Variants in ATE1 observed in about 807,000 individuals in gnomAD.
ATE1 encodes arginyl-tRNA--protein transferase 1.
Under a neutral mutation model 70.5 loss-of-function variants are expected in ATE1, and 36 were observed. The ratio of observed to expected loss-of-function variants is 0.51; its 90% confidence interval spans 0.39 to 0.67. ATE1 has a LOEUF of 0.67. Ranked by LOEUF, ATE1 falls within the 30% of genes least tolerant of loss-of-function variation. The pLI, the probability that ATE1 is intolerant of heterozygous loss-of-function variation, is 0.00. For missense variants in ATE1, 593 were observed against 629.5 expected (o/e 0.94, Z 0.62); for synonymous variants, 232 against 219.3 (o/e 1.06, Z -0.51).
intron 11 of ATE1, among the ~76,000 whole-genome samples, chr10:121,774,321 A>T (rs545760466): frequency 1.3e-5 from 2 of 152,334 alleles, no homozygotes; most frequent in East Asian, 3.9e-4. Context: ...ACATTCAGTT[A>T]GTATATCATG....
At chr10:121,792,681 A>G (rs982261539) in intron 10 of ATE1, among the ~76,000 whole-genome samples, 5 of 152,214 alleles carry the variant, frequency 3.3e-5, no homozygotes, top group Non-Finnish European at 7.3e-5. Context: ...ATTAACTCAG[A>G]AACTGTTTTA....
At chr10:121,828,333 G>A (rs1564874115) in intron 10 of ATE1, among the ~76,000 whole-genome samples, 1 of 152,160 alleles carries the variant, frequency 6.6e-6, no homozygotes, top group African/African-American at 2.4e-5. Flanking sequence ...ACCCAAAAAC[G>A]TAGTGGCCTT....
chr10:121,762,512 C>G (rs1945085346), intron 11 of ATE1, among the ~76,000 whole-genome samples: 3 of 152,192 alleles, frequency 2.0e-5, no homozygotes, highest in African/African-American at 7.2e-5. Flanking sequence ...TGTGTGGCAT[C>G]TGCCCACCCC....
intron 9 of ATE1, among the ~76,000 whole-genome samples, chr10:121,839,888 A>C (rs1948565831): frequency 6.6e-6 from 1 of 152,244 alleles, no homozygotes; most frequent in East Asian, 1.9e-4. Flanking sequence ...TTCATAAAAA[A>C]GCACATACAC....
chr10:121,779,157 A>G (rs1286547085), intron 11 of ATE1, among the ~76,000 whole-genome samples: 2 of 152,134 alleles, frequency 1.3e-5, no homozygotes, highest in Admixed American at 6.5e-5. Context: ...TGGTACATTT[A>G]TCCTCTCTTC....
chr10:121,822,670 G>A (rs945472924), intron 10 of ATE1, among the ~76,000 whole-genome samples: 5 of 152,050 alleles, frequency 3.3e-5, no homozygotes, highest in South Asian at 2.1e-4. Context: ...CACATCTTCC[G>A]TGCACAGTAC....
intron 5 of ATE1, among the ~76,000 whole-genome samples, chr10:121,909,789 G>A (rs578044601): frequency 2.6e-5 from 4 of 152,312 alleles, no homozygotes; most frequent in East Asian, 3.9e-4. Flanking sequence ...GCTCATGCCT[G>A]TAATCTCAGC....
intron 10 of ATE1, among the ~76,000 whole-genome samples, chr10:121,820,425 AC>A: frequency 6.6e-6 from 1 of 152,338 alleles, no homozygotes; most frequent in Non-Finnish European, 1.5e-5. Flanking sequence ...AACGCAACTG[AC>A]AAAAATGGGA....
At chr10:121,897,123 T>C (rs1488246243) in intron 7 of ATE1, among the ~76,000 whole-genome samples, 1 of 152,140 alleles carries the variant, frequency 6.6e-6, no homozygotes, top group Admixed American at 6.5e-5. Context: ...CAATGGCTAA[T>C]TCTAAAGGCA....
rs1944386900 is a variant in ATE1, at chr10:121,746,715, G to A, written c.1379-2857C>T. ...CACTTCATACAAGGCTCTATGCTCT[G>A]AATACTTAAGTTAGATTACATCCCT... On this transcript the variant is annotated intron_variant, in intron 11 of 11. Coordinates refer to ENST00000224652, the MANE Select transcript of ATE1 (RefSeq NM_001001976.3). 1.3e-5 allele frequency among the ~76,000 whole-genome samples: 2 copies of A among 150,744 alleles called. 1 individual carries two copies. Among genetic ancestry groups the A allele is most frequent in the South Asian group, 4.2e-4 (2 of 4,772 alleles).
At chr10:121,833,619 T>C (rs1948329979) in intron 10 of ATE1, among the ~76,000 whole-genome samples, 1 of 151,174 alleles carries the variant, frequency 6.6e-6, no homozygotes, top group African/African-American at 2.4e-5. Context: ...ATTTGCAAGC[T>C]TGGGGGAGGG....
At chr10:121,913,663 A>G in intron 4 of ATE1, 127 bp downstream of exon 4, 1 of 557,482 alleles carries the variant, frequency 1.8e-6, no homozygotes, top group Non-Finnish European at 3.2e-6. Context: ...TGCTAACAGT[A>G]GTCGCTGTCA....
intron 11 of ATE1, among the ~76,000 whole-genome samples, chr10:121,775,989 A>C (rs1473167710): frequency 6.6e-6 from 1 of 152,234 alleles, no homozygotes; most frequent in African/African-American, 2.4e-5. Context: ...AAAATTAAAA[A>C]GTTGCTTGTG....
At chr10:121,846,407 G>A (rs1948823616) in intron 8 of ATE1, among the ~76,000 whole-genome samples, 1 of 152,166 alleles carries the variant, frequency 6.6e-6, no homozygotes, top group South Asian at 2.1e-4. Flanking sequence ...AAAGGTAGGG[G>A]AGCATAACTC....
intron 10 of ATE1, among the ~76,000 whole-genome samples, chr10:121,791,069 T>TAC (rs776335183): frequency 0.37 from 37,954 of 102,600 alleles, 5,832 homozygotes; most frequent in Admixed American, 0.45. Context: ...TGTGTGTGTG[T>TAC]GTGTGTGTGT....
chr10:121,823,108 G>A (rs570396957), intron 10 of ATE1, among the ~76,000 whole-genome samples: 22 of 152,156 alleles, frequency 1.4e-4, no homozygotes, highest in African/African-American at 5.3e-4. Flanking sequence ...GGCTAACACA[G>A]TGCAACCCCA....
intron 11 of ATE1, among the ~76,000 whole-genome samples, chr10:121,758,468 T>C (rs1311361438): frequency 6.6e-6 from 1 of 152,220 alleles, no homozygotes; most frequent in Non-Finnish European, 1.5e-5. Context: ...CTCTGAAAAT[T>C]TCCTGGAGCA....
chr10:121,898,708 G>C lies in ATE1; in HGVS notation c.942+1158C>G, dbSNP rs542712284. 10 of 1,016,192 alleles carry C rather than the reference G, an allele frequency of 9.8e-6. No homozygotes were observed. In the African/African-American group the frequency reaches 1.5e-4, roughly 15 times the overall value. The allele number at this position is 1,016,192 out of a possible 1,614,324, so 62.9% of individuals were successfully genotyped here. ...GGATTTAAAATGCTCACATGTATGA[G>C]TCATGTGAGTGTTCACAGAAGTTCA... is the stretch of plus-strand genomic sequence containing the variant. On this transcript the variant is annotated intron_variant, in intron 7 of 11. Transcript: ENST00000224652.
chr10:121,860,129 G>C (rs943097896), intron 8 of ATE1, among the ~76,000 whole-genome samples: 8 of 152,120 alleles, frequency 5.3e-5, no homozygotes, highest in Non-Finnish European at 1.0e-4. Context: ...ATGAGAAAAC[G>C]CTATAATACG....
Sources: allele counts gnomAD v4.1 joint callset (sites outside exome capture counted in the v4.1 genomes callset), GRCh38; gene constraint gnomAD v4.1.1; transcripts MANE v1.5; gene names NCBI Gene and HGNC (gene_info 2026-07-23, HGNC 2026-07-21).